Variants in LAMA3 observed in about 807,000 individuals in gnomAD.
LAMA3 encodes the protein laminin subunit alpha-3.
Under a neutral mutation model 402.0 loss-of-function variants are expected in LAMA3, and 281 were observed. That is an observed-to-expected ratio of 0.70 (90% confidence interval 0.63 to 0.77). The LOEUF (loss-of-function observed/expected upper bound fraction) is 0.77, where lower values mean the gene tolerates loss of function less well. LAMA3 is among the 30% of genes least tolerant of loss of function. The pLI is 0.00. For synonymous variants in LAMA3, 1,431 were observed against 1,558.4 expected, an observed-to-expected ratio of 0.92 and a Z score of 1.93; for missense variants, 3,840 against 4,215.5, an observed-to-expected ratio of 0.91 and a Z score of 2.47.
intron 24 of LAMA3, chr18:23,834,505 C>T (rs1029603749): frequency 5.7e-6 from 1 of 174,510 alleles, no homozygotes; most frequent in Non-Finnish European, 1.2e-5. Context: ...TCTTCTCTTC[C>T]AAGAGCACTA....
At chr18:23,710,654 C>T (rs1424527177) in intron 1 of LAMA3, among the ~76,000 whole-genome samples, 1 of 151,686 alleles carries the variant, frequency 6.6e-6, no homozygotes, top group African/African-American at 2.4e-5. Flanking sequence ...GGTTGATTTG[C>T]AGTAAATATG....
At position 23,824,535 on chromosome 18, in the gene LAMA3, T is replaced by G; in HGVS notation, c.2541T>G (p.Val847=). The G allele has an allele frequency of 6.2e-7, 1 of 1,614,146 alleles. No individual in the cohort carries two copies. Among genetic ancestry groups the G allele is most frequent in the Non-Finnish European group, 8.5e-7 (1 of 1,179,984 alleles). Residue 847 remains valine, a synonymous_variant, in exon 21 of 75, where the codon GTT becomes GTG. Coordinates refer to ENST00000313654, the MANE Select transcript of LAMA3 (RefSeq NM_198129.4). ...TTTCAATCACACCAGGAATATGGGT[T>G]GCTTGTATTAAGGCAGAAGGAGTCC... ...DPFSITPGIW[V]ACIKAEGVLL...
At chr18:23,812,791 C>G (rs560438754) in intron 13 of LAMA3, among the ~76,000 whole-genome samples, 1 of 152,172 alleles carries the variant, frequency 6.6e-6, no homozygotes, top group African/African-American at 2.4e-5. Context: ...CTAATCTCCT[C>G]CTTCATCATC....
chr18:23,782,532 G>A (rs1224275359), intron 11 of LAMA3, among the ~76,000 whole-genome samples: 3 of 152,020 alleles, frequency 2.0e-5, no homozygotes, highest in African/African-American at 4.8e-5. Flanking sequence ...CAGCCTGGGC[G>A]ATAGAATGAA....
At position 23,780,451 on chromosome 18, in the gene LAMA3, T is replaced by A. The variant is rs1056079011; in HGVS notation, c.1468+2832T>A. On this transcript the variant is annotated intron_variant, in intron 11 of 74. Coordinates refer to ENST00000313654, the MANE Select transcript of LAMA3 (RefSeq NM_198129.4). ...CTGAGTCTTGGAGTGTGAAGAGGAG[T>A]CAGCCAGGCAGAGGGGCAGGGAAGA... 2.0e-5 allele frequency among the ~76,000 whole-genome samples: 3 copies of A among 149,940 alleles called. 1 individual carries two copies. In the South Asian group the frequency reaches 6.4e-4, roughly 32 times the overall value.
chr18:23,836,862 C>T, intron 24 of LAMA3, 119 bp from the exon 25 acceptor site: 1 of 734,656 alleles, frequency 1.4e-6, no homozygotes, highest in Non-Finnish European at 2.4e-6. Context: ...GGAAAATTCA[C>T]TATAATTCAT....
chr18:23,750,455 TTTTTTTTTTTTTG>T (rs2061728650), intron 4 of LAMA3, among the ~76,000 whole-genome samples: 1 of 144,110 alleles, frequency 6.9e-6, no homozygotes, highest in African/African-American at 2.6e-5. Flanking sequence ...TTTTTTTTTT[TTTTTTTTTTTTTG>T]CCCCATTACT....
chr18:23,766,806 T>C (rs1487988222), intron 8 of LAMA3, among the ~76,000 whole-genome samples: 1 of 150,868 alleles, frequency 6.6e-6, no homozygotes, highest in Non-Finnish European at 1.5e-5. Flanking sequence ...GCCTCTACAC[T>C]CCAGCTTGGG....
At chr18:23,891,626 A>T (rs1239096262) in intron 42 of LAMA3, among the ~76,000 whole-genome samples, 1 of 152,242 alleles carries the variant, frequency 6.6e-6, no homozygotes, top group Non-Finnish European at 1.5e-5. Flanking sequence ...AGACAAAATG[A>T]TGTTAAGGAT....
At chr18:23,710,096 G>A (rs2145891301) in intron 1 of LAMA3, 3 of 728,098 alleles carry the variant, frequency 4.1e-6, no homozygotes, top group South Asian at 2.7e-5. Context: ...TCTCCTGGGG[G>A]CGCTCTGCCG....
intron 8 of LAMA3, among the ~76,000 whole-genome samples, chr18:23,772,741 T>A (rs1363621587): frequency 6.6e-6 from 1 of 152,258 alleles, no homozygotes; most frequent in Non-Finnish European, 1.5e-5. Flanking sequence ...GTTTTTGTTC[T>A]TGTTAACTTC....
At chr18:23,853,655 A>G (rs1239637146) in intron 32 of LAMA3, among the ~76,000 whole-genome samples, 1 of 152,178 alleles carries the variant, frequency 6.6e-6, no homozygotes, top group Admixed American at 6.5e-5. Flanking sequence ...CCATGCCCAG[A>G]TGTTGTTACA....
intron 12 of LAMA3, among the ~76,000 whole-genome samples, chr18:23,786,375 C>T (rs893049651): frequency 6.6e-6 from 1 of 152,158 alleles, no homozygotes; most frequent in African/African-American, 2.4e-5. Flanking sequence ...TAGCAGAAGC[C>T]CTATTCCAGG....
At chr18:23,778,300 C>T (rs963045474) in intron 11 of LAMA3, among the ~76,000 whole-genome samples, 6 of 152,178 alleles carry the variant, frequency 3.9e-5, no homozygotes, top group African/African-American at 1.4e-4. Flanking sequence ...CTGCTGGGGA[C>T]TTAGCAGAGA....
At chr18:23,724,745 C>T (rs1350534649) in intron 2 of LAMA3, among the ~76,000 whole-genome samples, 1 of 152,148 alleles carries the variant, frequency 6.6e-6, no homozygotes, top group Non-Finnish European at 1.5e-5. Context: ...TAATGGCAAG[C>T]ATATATAAGG....
chr18:23,902,341 A>T (rs1019319362), intron 48 of LAMA3, among the ~76,000 whole-genome samples: 7 of 152,168 alleles, frequency 4.6e-5, no homozygotes, highest in Non-Finnish European at 1.0e-4. Context: ...CTCAAAAAAA[A>T]AATTAAAAAC....
chr18:23,940,889 G>A (rs1354702387), intron 68 of LAMA3, among the ~76,000 whole-genome samples: 1 of 151,200 alleles, frequency 6.6e-6, no homozygotes, highest in African/African-American at 2.4e-5. Flanking sequence ...CCCCACCCCT[G>A]CTCTCTTGGT....
intron 42 of LAMA3, among the ~76,000 whole-genome samples, chr18:23,891,266 G>A (rs2080652698): frequency 6.6e-6 from 1 of 152,212 alleles, no homozygotes; most frequent in African/African-American, 2.4e-5. Flanking sequence ...AATCTTTTGG[G>A]CCCACAGAAC....
intron 2 of LAMA3, among the ~76,000 whole-genome samples, chr18:23,729,122 ATGTGTGTG>A (rs72333694): frequency 0.035 from 5,096 of 147,022 alleles, 134 homozygotes; most frequent in South Asian, 0.072. Context: ...TTGTGTGTGT[ATGTGTGTG>A]TGTGTGTGTG....
Sources: gnomAD v4.1 joint callset for allele counts (sites outside exome capture counted in the v4.1 genomes callset) on GRCh38, gnomAD v4.1.1 for gene constraint, MANE v1.5 for transcripts, NCBI Gene and HGNC (gene_info 2026-07-23, HGNC 2026-07-21) for gene names.